The following EHD2 variants were observed in gnomAD, a reference collection of about 807,000 sequenced individuals.
EHD2 encodes the protein EH domain containing 2.
Under a neutral mutation model 41.0 loss-of-function variants are expected in EHD2, and 27 were observed. The observed-to-expected ratio is 0.66, with a 90% CI of 0.49 to 0.91. The LOEUF is 0.91. Among genes scored for constraint, EHD2 ranks in the 40% least tolerant of loss-of-function variants. The probability of loss-of-function intolerance (pLI) is 0.00; values close to 1 mark genes in which losing one functional copy is unlikely to be tolerated. For synonymous variants in EHD2, 342 were observed against 341.0 expected, an observed-to-expected ratio of 1.00 and a Z score of -0.03; for missense variants, 673 against 773.9, an observed-to-expected ratio of 0.87 and a Z score of 1.55.
At chr19:47,722,057 C>CACACACACACACACAG (rs71180871) in intron 3 of EHD2, among the ~76,000 whole-genome samples, 2 of 144,562 alleles carry the variant, frequency 1.4e-5, no homozygotes, top group Non-Finnish European at 1.5e-5. Context: ...CACACACACA[C>CACACACACACACACAG]TGGGAATAAT....
At chr19:47,728,958 A>G (rs1973780961) in intron 4 of EHD2, among the ~76,000 whole-genome samples, 1 of 151,688 alleles carries the variant, frequency 6.6e-6, no homozygotes, top group Non-Finnish European at 1.5e-5. Flanking sequence ...AATGAATGAC[A>G]TTGAACAAAC....
intron 4 of EHD2, among the ~76,000 whole-genome samples, chr19:47,729,955 T>TC (rs1046149465): frequency 5.3e-5 from 8 of 151,976 alleles, no homozygotes; most frequent in Non-Finnish European, 5.9e-5. Context: ...TCTCCATCTC[T>TC]CCCCCGCTCC....
chr19:47,724,499 G>T (rs1456742961), intron 3 of EHD2, among the ~76,000 whole-genome samples: 1 of 152,188 alleles, frequency 6.6e-6, no homozygotes, highest in Non-Finnish European at 1.5e-5. Flanking sequence ...AAGTCAGGGG[G>T]TCTCAATCGC....
At chr19:47,730,033 C>T (rs971608328) in intron 4 of EHD2, among the ~76,000 whole-genome samples, 1 of 152,070 alleles carries the variant, frequency 6.6e-6, no homozygotes, top group Admixed American at 6.6e-5. Context: ...CCCGCGGGTC[C>T]CTTGGCGGGA....
At chr19:47,727,596 G>C (rs1973765149) in intron 4 of EHD2, among the ~76,000 whole-genome samples, 1 of 151,810 alleles carries the variant, frequency 6.6e-6, no homozygotes, top group Non-Finnish European at 1.5e-5. Context: ...TGATAACCAA[G>C]GCCAGGTGCG....
At chr19:47,737,968 C>T (rs1220021877) in intron 5 of EHD2, among the ~76,000 whole-genome samples, 1 of 150,284 alleles carries the variant, frequency 6.7e-6, no homozygotes, top group Non-Finnish European at 1.5e-5. Context: ...GCAACCTCTG[C>T]CTCCTGGGTT....
rs1003669269 is a variant in EHD2, at chr19:47,741,969, C to G, written c.*537C>G. 6.6e-6 allele frequency: 3 copies of G among 455,922 alleles called. No homozygotes were observed. Among genetic ancestry groups the G allele is most frequent in the Admixed American group, 4.7e-5 (2 of 42,492 alleles). 28.2% of individuals were successfully genotyped at this position (455,922 alleles called of 1,614,324 possible). A position where few individuals can be genotyped will look rare whatever the true frequency, so the allele number is the denominator to read the frequency against. ...TTCTGCTCCGCTTCCTCCTGCCCAG[C>G]CAGGCAACACCCTCAACCGGCTCCA... On this transcript the variant is annotated 3_prime_UTR_variant, in exon 6 of 6. Coordinates refer to ENST00000263277, the MANE Select transcript of EHD2 (RefSeq NM_014601.4). The surrounding 1 kb of genome is among the most constrained non-coding windows in gnomAD (Gnocchi z 4.5).
At chr19:47,722,525 G>A (rs952150674) in intron 3 of EHD2, among the ~76,000 whole-genome samples, 3 of 151,696 alleles carry the variant, frequency 2.0e-5, no homozygotes, top group African/African-American at 7.3e-5. Context: ...CTCTTCTGTC[G>A]CCTCTTACCT....
intron 5 of EHD2, among the ~76,000 whole-genome samples, chr19:47,740,412 C>G (rs1966972622): frequency 6.6e-6 from 1 of 151,406 alleles, no homozygotes; most frequent in South Asian, 2.1e-4. Context: ...GCACTCTAGC[C>G]TAAGTGACAG....
At chr19:47,733,894 G>A (rs571454154) in intron 4 of EHD2, among the ~76,000 whole-genome samples, 13 of 152,164 alleles carry the variant, frequency 8.5e-5, no homozygotes, top group African/African-American at 3.1e-4. Flanking sequence ...GAGGACCCCT[G>A]GGTTTCCCTG....
At position 47,725,813 on chromosome 19, in the gene EHD2, C is replaced by A. The variant is rs1412394263; in HGVS notation, c.504C>A (p.Gly168=). The A allele has an allele frequency of 7.0e-6, 11 of 1,575,270 alleles. No homozygotes were observed. The highest frequency in any genetic ancestry group is 1.2e-5 in the South Asian group (1 of 86,426). Residue 168 remains glycine (G), a splice_region_variant and synonymous_variant, in exon 4 of 6, where the codon GGC becomes GGA. Transcript: ENST00000263277. The part of the protein sequence containing the change: ...LSGAKQRVSR[G]YDFPAVLRWF... The stretch of plus-strand genomic sequence containing the variant: ...CCTGTCTCTCCACTCCCACTCCAGG[C>A]TACGACTTCCCGGCCGTGCTGCGCT...
At chr19:47,714,945 G>A (rs540977931) in intron 1 of EHD2, among the ~76,000 whole-genome samples, 4 of 152,138 alleles carry the variant, frequency 2.6e-5, no homozygotes, top group Admixed American at 1.3e-4. Flanking sequence ...GGCTGAGGCA[G>A]GAGAATCCCT....
chr19:47,718,273 C>CAAA (rs58873230), intron 2 of EHD2, among the ~76,000 whole-genome samples: 17 of 91,828 alleles, frequency 1.9e-4, no homozygotes, highest in Non-Finnish European at 2.1e-4. Context: ...AACTCTGTCT[C>CAAA]AAAAAAAAAA....
At chr19:47,721,168 T>TGC (rs1973692307) in intron 3 of EHD2, among the ~76,000 whole-genome samples, 1 of 71,626 alleles carries the variant, frequency 1.4e-5, no homozygotes, top group African/African-American at 9.0e-5. Context: ...ACTGGGGGTG[T>TGC]GTGTGTGTGT....
rs1453693108 is a variant in EHD2, at chr19:47,719,535, C to T, written c.502+929C>T. ...TCCCCCAGCCCCACAGATCTGTGTC[C>T]CCCACCCCCCATGGCCTTGGAGGCC... is the stretch of plus-strand genomic sequence containing the variant. On this transcript the variant is annotated intron_variant, in intron 3 of 5. Transcript: ENST00000263277. The surrounding 1 kb of genome is among the most constrained non-coding windows in gnomAD (Gnocchi z 4.1). Among the ~76,000 whole-genome samples, 5 of 152,106 alleles carry T rather than the reference C, an allele frequency of 3.3e-5. No individual in the cohort carries two copies. The highest frequency in any genetic ancestry group is 7.4e-5 in the Non-Finnish European group (5 of 67,986).
chr19:47,729,715 C>T (rs1973788892), intron 4 of EHD2: 1 of 142,826 alleles, frequency 7.0e-6, no homozygotes, highest in Non-Finnish European at 1.5e-5. Context: ...CCCCAGGAAT[C>T]CTCCTTCGGA....
At chr19:47,720,749 G>A (rs2123639287) in intron 3 of EHD2, among the ~76,000 whole-genome samples, 1 of 152,156 alleles carries the variant, frequency 6.6e-6, no homozygotes, top group East Asian at 1.9e-4. Flanking sequence ...GGCTGCATGG[G>A]GCGGTCAGGG....
At chr19:47,728,789 C>T (rs1032679263) in intron 4 of EHD2, among the ~76,000 whole-genome samples, 29 of 150,544 alleles carry the variant, frequency 1.9e-4, no homozygotes, top group African/African-American at 6.3e-4. Flanking sequence ...AGGCTGGTCT[C>T]GAACTCCCGA....
At chr19:47,732,398 C>CATGAGCAATATTTAATTT (rs1966882637) in intron 4 of EHD2, among the ~76,000 whole-genome samples, 1 of 151,804 alleles carries the variant, frequency 6.6e-6, no homozygotes, top group African/African-American at 2.4e-5. Flanking sequence ...GGATTACAGG[C>CATGAGCAATATTTAATTT]GTGAGCCACC....
Sources: gnomAD v4.1 joint callset for allele counts (sites outside exome capture counted in the v4.1 genomes callset) on GRCh38, gnomAD v4.1.1 for gene constraint, Gnocchi (gnomAD v3.1) non-coding constraint, MANE v1.5 for transcripts, NCBI Gene and HGNC (gene_info 2026-07-23, HGNC 2026-07-21) for gene names.